TENM2: variants seen among roughly 807,000 people sequenced by gnomAD.
TENM2 encodes teneurin-2.
In TENM2, 52 loss-of-function variants were observed where a neutral mutation model predicts 245.2. The observed-to-expected ratio is 0.21, with a 90% CI of 0.17 to 0.27. The LOEUF is 0.27. Ranked by LOEUF, TENM2 falls within the 10% of genes least tolerant of loss-of-function variation. The pLI is 1.00. For synonymous variants in TENM2, 1,363 were observed against 1,438.9 expected (o/e 0.95, Z 1.19); for missense variants, 3,046 against 3,666.8 (o/e 0.83, Z 4.37).
intron 9 of TENM2, among the ~76,000 whole-genome samples, chr5:168,100,468 A>C (rs1470318797): frequency 6.6e-6 from 1 of 152,228 alleles, no homozygotes; most frequent in Admixed American, 6.5e-5. Context: ...ACAATAGCAA[A>C]GACTTGGAAC....
At chr5:168,159,379 G>A (rs1176257705) in intron 12 of TENM2, among the ~76,000 whole-genome samples, 1 of 152,118 alleles carries the variant, frequency 6.6e-6, no homozygotes, top group African/African-American at 2.4e-5. Flanking sequence ...CTGAAATCCA[G>A]AAGACTTCCT....
intron 12 of TENM2, among the ~76,000 whole-genome samples, chr5:168,153,296 GA>G (rs1756815942): frequency 6.6e-6 from 1 of 152,158 alleles, no homozygotes; most frequent in Admixed American, 6.5e-5. Context: ...TTTAACATGG[GA>G]ATTTTTCAAG....
At chr5:167,474,517 G>T (rs1478682070) in intron 2 of TENM2, among the ~76,000 whole-genome samples, 6 of 97,798 alleles carry the variant, frequency 6.1e-5, no homozygotes, top group African/African-American at 7.8e-5. Flanking sequence ...TAAATAAGTA[G>T]ACTTTTTTTT....
chr5:167,582,264 G>A (rs1266017047), intron 2 of TENM2, among the ~76,000 whole-genome samples: 1 of 152,148 alleles, frequency 6.6e-6, no homozygotes, highest in Non-Finnish European at 1.5e-5. Flanking sequence ...AACCTGCTTA[G>A]TATTAAACAT....
At chr5:167,897,091 G>A (rs944516103) in intron 3 of TENM2, among the ~76,000 whole-genome samples, 1 of 152,290 alleles carries the variant, frequency 6.6e-6, no homozygotes, top group South Asian at 2.1e-4. Context: ...AAGAATGGGA[G>A]GCAGAAGCCC....
In TENM2 at chr5:167,665,213, T is replaced by C. The variant is rs78512533; in HGVS notation, c.503-210773T>C. 5.8e-3 allele frequency among the ~76,000 whole-genome samples: 888 copies of C among 152,270 alleles called. 5 individuals carry two copies. The highest frequency in any genetic ancestry group is 0.019 in the African/African-American group (775 of 41,546). On this transcript the variant is annotated intron_variant, in intron 2 of 28. Transcript: ENST00000518659. Reference sequence around the variant, plus strand: ...GACTGTAGGATTATCATAAGGTTACTGGGAAAAATGAATACAATAATATAC... The same window carrying C: ...GACTGTAGGATTATCATAAGGTTACCGGGAAAAATGAATACAATAATATAC...
chr5:167,894,376 G>A (rs908249194), intron 3 of TENM2, among the ~76,000 whole-genome samples: 5 of 152,162 alleles, frequency 3.3e-5, no homozygotes, highest in Admixed American at 2.6e-4. Flanking sequence ...AACCCAGATC[G>A]TTTATTGTGG....
intron 7 of TENM2, 71 bp downstream of exon 9, chr5:168,062,336 C>T: frequency 8.5e-7 from 1 of 1,180,294 alleles, no homozygotes; most frequent in Non-Finnish European, 1.2e-6. Context: ...TGTATATATG[C>T]CACTTCACAT....
At chr5:168,032,826 A>C (rs941719954) in intron 5 of TENM2, among the ~76,000 whole-genome samples, 2 of 152,172 alleles carry the variant, frequency 1.3e-5, no homozygotes, top group African/African-American at 4.8e-5. Context: ...ATAATGGTGG[A>C]TCTTTAGAAA....
In TENM2 at chr5:167,727,104, CT is replaced by C. The variant is rs1227700479; in HGVS notation, c.503-148859del. ...AAATCAGTAATGAATCCATTAATTT[CT>C]TTTTTTTTTTTTTTTTTTTTTTGAG... is the stretch of plus-strand genomic sequence containing the variant. On this transcript the variant is annotated intron_variant, in intron 2 of 28. Coordinates refer to ENST00000518659, the Ensembl canonical transcript of TENM2. Among the ~76,000 whole-genome samples, 326 of 96,098 alleles carry C rather than the reference CT, an allele frequency of 3.4e-3. No individual in the cohort carries two copies. In the East Asian group the frequency reaches 0.036, roughly 11 times the overall value. 63.0% of individuals were successfully genotyped at this position (96,098 alleles called of 152,430 possible).
chr5:167,042,171 T>C, the TENM2 span, among the ~76,000 whole-genome samples: 1 of 152,240 alleles, frequency 6.6e-6, no homozygotes, highest in South Asian at 2.1e-4. Context: ...ACTTCTTTAA[T>C]ATTTTTGACA....
At chr5:167,146,456 C>T in the TENM2 span, among the ~76,000 whole-genome samples, 2 of 152,170 alleles carry the variant, frequency 1.3e-5, no homozygotes, top group East Asian at 1.9e-4. Context: ...CGGTTCTTAA[C>T]GGTTAAGAAA....
chr5:168,226,527 C>CATT (rs1478719123), intron 24 of TENM2, among the ~76,000 whole-genome samples: 1 of 152,120 alleles, frequency 6.6e-6, no homozygotes, highest in Non-Finnish European at 1.5e-5. Context: ...TGAAAATGTC[C>CATT]ATTTCCACCC....
At chr5:167,454,903 T>C (rs1765820393) in intron 2 of TENM2, among the ~76,000 whole-genome samples, 1 of 152,152 alleles carries the variant, frequency 6.6e-6, no homozygotes, top group African/African-American at 2.4e-5. Flanking sequence ...TCCCAAATGA[T>C]GTTGACTAAA....
the TENM2 span, among the ~76,000 whole-genome samples, chr5:167,099,179 G>A: frequency 5.9e-5 from 9 of 152,096 alleles, no homozygotes; most frequent in Non-Finnish European, 1.0e-4. Context: ...TAGCCTCTCA[G>A]TTTTTAATCT....
the TENM2 span, among the ~76,000 whole-genome samples, chr5:167,279,128 G>C: frequency 1.1e-3 from 165 of 152,214 alleles, 2 homozygotes; most frequent in African/African-American, 3.8e-3. Flanking sequence ...CATGGTTTCT[G>C]ATAATAAGTC....
chr5:167,954,971 G>C (rs1396906834), intron 4 of TENM2, among the ~76,000 whole-genome samples: 1 of 151,930 alleles, frequency 6.6e-6, no homozygotes, highest in East Asian at 1.9e-4. Flanking sequence ...ATAATCCTTT[G>C]GGTTCATACC....
the TENM2 span, among the ~76,000 whole-genome samples, chr5:167,098,676 TAAG>T: frequency 6.6e-6 from 1 of 151,948 alleles, no homozygotes; most frequent in Non-Finnish European, 1.5e-5. Context: ...GGAAGCCCCT[TAAG>T]GAGGGAATGG....
At chr5:167,486,593 G>T (rs1768090010) in intron 2 of TENM2, among the ~76,000 whole-genome samples, 1 of 152,110 alleles carries the variant, frequency 6.6e-6, no homozygotes, top group African/African-American at 2.4e-5. Flanking sequence ...CTCCCAAAGT[G>T]CTGGGATTAC....
Sources: gnomAD v4.1 joint callset for allele counts (sites outside exome capture counted in the v4.1 genomes callset) on GRCh38, gnomAD v4.1.1 for gene constraint, MANE v1.5 for transcripts, NCBI Gene and HGNC (gene_info 2026-07-23, HGNC 2026-07-21) for gene names.